Variants in AGBL4 observed in about 807,000 individuals in gnomAD.
The protein encoded by AGBL4 is cytosolic carboxypeptidase 6.
In AGBL4, 58 loss-of-function variants were observed where a neutral mutation model predicts 66.4. The observed-to-expected ratio is 0.87, with a 90% confidence interval of 0.71 to 1.09. The LOEUF is 1.09. Among genes scored for constraint, AGBL4 ranks in the 50% least tolerant of loss-of-function variants. The pLI is 0.00. For synonymous variants in AGBL4, 234 were observed against 222.9 expected, an observed-to-expected ratio of 1.05 and a Z score of -0.44; for missense variants, 579 against 631.0, an observed-to-expected ratio of 0.92 and a Z score of 0.88.
chr1:49,218,227 T>C (rs1485771766), intron 4 of AGBL4, among the ~76,000 whole-genome samples: 1 of 152,020 alleles, frequency 6.6e-6, no homozygotes, highest in Non-Finnish European at 1.5e-5. Flanking sequence ...GATTGAGCTT[T>C]AGAGGCAGCT....
intron 3 of AGBL4, among the ~76,000 whole-genome samples, chr1:49,480,878 T>C (rs1024503905): frequency 8.5e-5 from 13 of 152,272 alleles, no homozygotes; most frequent in African/African-American, 3.1e-4. Context: ...TACAGCATCA[T>C]TTATTGAATA....
intron 3 of AGBL4, among the ~76,000 whole-genome samples, chr1:49,376,069 A>C (rs1644465874): frequency 6.6e-6 from 1 of 152,146 alleles, no homozygotes; most frequent in Admixed American, 6.6e-5. Flanking sequence ...GAGTCTCAGC[A>C]TGGCATTTTA....
chr1:48,715,606 T>C (rs950260153), intron 6 of AGBL4, among the ~76,000 whole-genome samples: 4 of 152,190 alleles, frequency 2.6e-5, no homozygotes, highest in Admixed American at 1.3e-4. Flanking sequence ...GATCATTTTA[T>C]TGAAATACTT....
chr1:49,943,291 G>A (rs890852996), intron 1 of AGBL4, among the ~76,000 whole-genome samples: 4 of 152,146 alleles, frequency 2.6e-5, no homozygotes, highest in Non-Finnish European at 5.9e-5. Context: ...GGAGTAGATT[G>A]CAGTTCCCAC....
At chr1:48,675,198 C>G (rs566137203) in intron 6 of AGBL4, among the ~76,000 whole-genome samples, 45 of 152,310 alleles carry the variant, frequency 3.0e-4, no homozygotes, top group African/African-American at 1.1e-3. Flanking sequence ...TCACTCCCAC[C>G]AATTCCTTAC....
chr1:49,129,446 A>G (rs1054431219), intron 4 of AGBL4, among the ~76,000 whole-genome samples: 1 of 151,654 alleles, frequency 6.6e-6, no homozygotes, highest in African/African-American at 2.4e-5. Context: ...TATATCTCCT[A>G]ATGCTATCCC....
At chr1:49,613,104 T>C (rs1348105095) in intron 3 of AGBL4, among the ~76,000 whole-genome samples, 1 of 152,108 alleles carries the variant, frequency 6.6e-6, no homozygotes, top group East Asian at 1.9e-4. Flanking sequence ...CTGGAGGTCA[T>C]TTTCCTAAGT....
At chr1:49,572,106 C>A (rs1319069121) in intron 3 of AGBL4, among the ~76,000 whole-genome samples, 1 of 152,022 alleles carries the variant, frequency 6.6e-6, no homozygotes, top group Non-Finnish European at 1.5e-5. Flanking sequence ...AGGGAGGATT[C>A]TCTCCCACTC....
At chr1:49,267,553 G>A (rs969530313) in intron 3 of AGBL4, among the ~76,000 whole-genome samples, 6 of 151,960 alleles carry the variant, frequency 3.9e-5, no homozygotes, top group Non-Finnish European at 5.9e-5. Context: ...GGTGGCACAC[G>A]CCTGTAGTCC....
chr1:48,915,173 C>T (rs142899664), intron 5 of AGBL4, among the ~76,000 whole-genome samples: 1 of 152,188 alleles, frequency 6.6e-6, no homozygotes, highest in South Asian at 2.1e-4. Context: ...TCTTCTAATC[C>T]TCACATTCCT....
At chr1:48,536,870 T>C (rs1205673317) in intron 12 of AGBL4, among the ~76,000 whole-genome samples, 1 of 152,186 alleles carries the variant, frequency 6.6e-6, no homozygotes, top group Non-Finnish European at 1.5e-5. Context: ...TCAGCTTTGG[T>C]CATCAATGCC....
intron 5 of AGBL4, among the ~76,000 whole-genome samples, chr1:49,006,034 G>C (rs936295490): frequency 2.0e-5 from 3 of 151,994 alleles, no homozygotes; most frequent in Admixed American, 2.0e-4. Flanking sequence ...CAAGATGGCC[G>C]AATAGGAACA....
At chr1:49,876,896 A>G (rs910189560) in intron 1 of AGBL4, among the ~76,000 whole-genome samples, 7 of 150,330 alleles carry the variant, frequency 4.7e-5, no homozygotes, top group Non-Finnish European at 8.9e-5. Context: ...TTGGATTCCT[A>G]GGTATTTTAT....
At chr1:49,707,673 T>C (rs1236206382) in intron 2 of AGBL4, among the ~76,000 whole-genome samples, 1 of 152,058 alleles carries the variant, frequency 6.6e-6, no homozygotes, top group East Asian at 1.9e-4. Flanking sequence ...TTTGGTATGG[T>C]TTTCCAGTGG....
At chr1:49,298,347 C>T (rs1343776865) in intron 3 of AGBL4, among the ~76,000 whole-genome samples, 3 of 152,184 alleles carry the variant, frequency 2.0e-5, no homozygotes, top group South Asian at 2.1e-4. Context: ...TCTCCCCTCT[C>T]CCCCCAGGTT....
At chr1:48,952,286 C>T (rs1009449544) in intron 5 of AGBL4, among the ~76,000 whole-genome samples, 4 of 152,170 alleles carry the variant, frequency 2.6e-5, no homozygotes, top group African/African-American at 7.2e-5. Flanking sequence ...ATTTAGGAGA[C>T]AAGCTTGGGC....
intron 3 of AGBL4, among the ~76,000 whole-genome samples, chr1:49,675,625 T>C (rs1646563793): frequency 6.6e-6 from 1 of 152,088 alleles, no homozygotes; most frequent in Non-Finnish European, 1.5e-5. Context: ...CATGAGTCTA[T>C]ACCTTACTCC....
rs1233200579 is a variant in AGBL4 at position 49,451,663 on chromosome 1, T to C, written c.283-205799A>G. On this transcript the variant is annotated intron_variant, in intron 3 of 13. Coordinates refer to ENST00000371839, the MANE Select transcript of AGBL4 (RefSeq NM_032785.4). ...ATTATTTCCAACTTTTGTTAAAACA[T>C]GTGTAACCCTTTAGTACACTGACTT... Among the ~76,000 whole-genome samples the C allele has an allele frequency of 3.9e-5, 6 of 152,028 alleles. No individual in the cohort carries two copies. In the East Asian group the frequency reaches 9.7e-4, roughly 25 times the overall value.
intron 2 of AGBL4, among the ~76,000 whole-genome samples, chr1:49,764,033 G>A (rs796089503): frequency 3.9e-5 from 6 of 152,194 alleles, no homozygotes; most frequent in East Asian, 1.9e-4. Context: ...GTGTTCCTCT[G>A]GAAAGCAGCC....
Sources: allele counts gnomAD v4.1 joint callset (sites outside exome capture counted in the v4.1 genomes callset), GRCh38; gene constraint gnomAD v4.1.1; transcripts MANE v1.5; gene names NCBI Gene and HGNC (gene_info 2026-07-23, HGNC 2026-07-21).